The following MTHFD1L variants were observed in gnomAD, a reference collection of about 807,000 sequenced individuals.
The protein encoded by MTHFD1L is methylenetetrahydrofolate dehydrogenase (NADP+ dependent) 1 like.
MTHFD1L carries 81 observed loss-of-function variants against 119.5 expected under a neutral mutation model. The ratio of observed to expected loss-of-function variants is 0.68; its 90% CI spans 0.57 to 0.82. The LOEUF (loss-of-function observed/expected upper bound fraction) is 0.82. MTHFD1L is among the 40% of genes least tolerant of loss of function. MTHFD1L has a pLI of 0.00. For synonymous variants in MTHFD1L, 430 were observed against 475.2 expected, an observed-to-expected ratio of 0.90 and a Z score of 1.24; for missense variants, 1,125 against 1,253.4, an observed-to-expected ratio of 0.90 and a Z score of 1.55.
intron 26 of MTHFD1L, among the ~76,000 whole-genome samples, chr6:151,046,989 C>T (rs987359177): frequency 3.3e-5 from 5 of 152,162 alleles, no homozygotes; most frequent in South Asian, 2.1e-4. Flanking sequence ...AGAAATATAA[C>T]GGATAATATC....
intron 24 of MTHFD1L, among the ~76,000 whole-genome samples, chr6:151,030,221 A>G (rs1293595693): frequency 6.6e-6 from 1 of 152,230 alleles, no homozygotes; most frequent in Non-Finnish European, 1.5e-5. Flanking sequence ...ACCACACATA[A>G]GGAGGGGCTG....
At chr6:150,971,882 T>C in intron 19 of MTHFD1L, 65 bp from the exon 20 acceptor site, 1 of 1,421,672 alleles carries the variant, frequency 7.0e-7, no homozygotes, top group Non-Finnish European at 9.9e-7. Flanking sequence ...TTGCCCCAAA[T>C]TGATCTTGGT....
chr6:150,915,924 C>T (rs930528009), intron 8 of MTHFD1L, among the ~76,000 whole-genome samples: 3 of 152,154 alleles, frequency 2.0e-5, no homozygotes, highest in Admixed American at 6.6e-5. Context: ...ATTTCTCCAT[C>T]GCTTAAAGAT....
At position 150,920,939 on chromosome 6, in the gene MTHFD1L, A is replaced by ATTTTTTTTTT. The variant is rs869169480; in HGVS notation, c.985-1246_985-1237dup. ...AGGCACATGCCACCACACCCAGATA[A>ATTTTTTTTTT]TTTTTTTTTTTTTTTTTTTTTTTTT... is the stretch of plus-strand genomic sequence containing the variant. On this transcript the variant is annotated intron_variant, in intron 9 of 27. Coordinates refer to ENST00000367321, the MANE Select transcript of MTHFD1L (RefSeq NM_015440.5). Among the ~76,000 whole-genome samples the ATTTTTTTTTT allele has an allele frequency of 2.1e-5, 2 of 96,874 alleles. 1 individual carries two copies. 63.6% of individuals were successfully genotyped at this position (96,874 alleles called of 152,430 possible).
Position 151,073,557 on chromosome 6 carries a change from T to A in MTHFD1L, c.2848-18910T>A, listed in dbSNP as rs1792167216. Among the ~76,000 whole-genome samples, 4 of 152,154 alleles carry A rather than the reference T, an allele frequency of 2.6e-5. No homozygotes were observed. In the South Asian group the frequency reaches 8.3e-4, roughly 32 times the overall value. ...GAATTCATAGACACGGACATTAAAG[T>A]AGTTGTTGTGACTGTAGTTTGCATG... On this transcript the variant is annotated intron_variant, in intron 26 of 27. Coordinates refer to ENST00000367321, the MANE Select transcript of MTHFD1L (RefSeq NM_015440.5).
At chr6:150,915,153 CT>C (rs1280166108) in intron 8 of MTHFD1L, among the ~76,000 whole-genome samples, 1 of 152,192 alleles carries the variant, frequency 6.6e-6, no homozygotes, top group Non-Finnish European at 1.5e-5. Context: ...TAAACCAATC[CT>C]GTCCAAACCA....
intron 6 of MTHFD1L, 68 bp downstream of exon 6, chr6:150,885,802 T>C: frequency 7.8e-7 from 1 of 1,275,216 alleles, no homozygotes. Context: ...TTAATAAGGA[T>C]TTGTTTGGGG....
Position 151,101,830 on chromosome 6 carries a change from C to T in MTHFD1L, c.*336C>T, listed in dbSNP as rs1234896662. On this transcript the variant is annotated 3_prime_UTR_variant, in exon 28 of 28. Coordinates refer to ENST00000367321, the MANE Select transcript of MTHFD1L (RefSeq NM_015440.5). The stretch of plus-strand genomic sequence containing the variant: ...GTGAACTAAAAGGTAACATTTTCCA[C>T]TCTCAAGTTTTCTACTTTGTCTTTG... 3.9e-5 allele frequency: 6 copies of T among 152,246 alleles called. No homozygotes were observed. Among genetic ancestry groups the T allele is most frequent in the Non-Finnish European group, 5.9e-5 (4 of 68,032 alleles). 9.4% of individuals were successfully genotyped at this position (152,246 alleles called of 1,614,324 possible).
chr6:150,901,587 T>C (rs941901711), intron 7 of MTHFD1L, among the ~76,000 whole-genome samples: 2 of 152,166 alleles, frequency 1.3e-5, no homozygotes, highest in African/African-American at 2.4e-5. Context: ...TAAACTACAG[T>C]GTGTCCCAGT....
intron 15 of MTHFD1L, among the ~76,000 whole-genome samples, chr6:150,946,365 G>A (rs761079259): frequency 3.9e-5 from 6 of 152,222 alleles, no homozygotes; most frequent in Non-Finnish European, 5.9e-5. Context: ...GGCCAGGCTG[G>A]TCTCAAACGC....
Position 150,930,032 on chromosome 6 carries a change from T to C in MTHFD1L, c.1256+3737T>C, listed in dbSNP as rs137974953. ...CAACAAATGATATATTTTTTAGGGC[T>C]GTAAACTGTCATCAGTATCTAATCC... On this transcript the variant is annotated intron_variant, in intron 11 of 27. Coordinates refer to ENST00000367321, the MANE Select transcript of MTHFD1L (RefSeq NM_015440.5). Among the ~76,000 whole-genome samples, 260 of 152,346 alleles carry C rather than the reference T, an allele frequency of 1.7e-3. 1 individual carries two copies. Among genetic ancestry groups the C allele is most frequent in the African/African-American group, 6.0e-3 (250 of 41,578 alleles).
chr6:150,901,771 G>A (rs1562346396), intron 7 of MTHFD1L, among the ~76,000 whole-genome samples: 1 of 152,132 alleles, frequency 6.6e-6, no homozygotes, highest in Non-Finnish European at 1.5e-5. Context: ...ATCCTTGCTG[G>A]ACAAAGAACC....
chr6:151,053,202 T>C (rs1466950497), intron 26 of MTHFD1L, among the ~76,000 whole-genome samples: 2 of 152,234 alleles, frequency 1.3e-5, no homozygotes, highest in African/African-American at 4.8e-5. Flanking sequence ...TACTTGCTGC[T>C]ATATCCCAAC....
chr6:150,916,737 C>CTTTTT (rs57961829), intron 8 of MTHFD1L, among the ~76,000 whole-genome samples: 39 of 72,110 alleles, frequency 5.4e-4, no homozygotes, highest in African/African-American at 1.0e-3. Context: ...GATTCTATCC[C>CTTTTT]TTTTTTTTTT....
chr6:150,897,981 A>G (rs555137139), intron 7 of MTHFD1L, among the ~76,000 whole-genome samples: 87 of 152,212 alleles, frequency 5.7e-4, no homozygotes, highest in Non-Finnish European at 9.0e-4. Context: ...AGTAGCTGGG[A>G]TTACAAGCAT....
At chr6:151,009,486 A>T (rs1053482247) in intron 20 of MTHFD1L, among the ~76,000 whole-genome samples, 5 of 152,130 alleles carry the variant, frequency 3.3e-5, no homozygotes, top group Admixed American at 2.0e-4. Flanking sequence ...GTGAGCCGAG[A>T]TCATGCCGCT....
At chr6:150,896,353 T>TC (rs1272168602) in intron 7 of MTHFD1L, among the ~76,000 whole-genome samples, 1 of 152,204 alleles carries the variant, frequency 6.6e-6, no homozygotes, top group Non-Finnish European at 1.5e-5. Context: ...GGGCTCATCA[T>TC]CAGCTCTCCA....
chr6:150,869,564 C>T (rs1779047213), intron 1 of MTHFD1L, among the ~76,000 whole-genome samples: 1 of 152,142 alleles, frequency 6.6e-6, no homozygotes, highest in African/African-American at 2.4e-5. Flanking sequence ...ACTATGTTGG[C>T]CAGGCTGGTC....
intron 15 of MTHFD1L, among the ~76,000 whole-genome samples, chr6:150,946,735 A>G (rs1210029366): frequency 1.3e-5 from 2 of 152,122 alleles, no homozygotes; most frequent in East Asian, 1.9e-4. Context: ...CGGCAGCTAT[A>G]ACAACATGCA....
Sources: gnomAD v4.1 joint callset for allele counts (sites outside exome capture counted in the v4.1 genomes callset) on GRCh38, gnomAD v4.1.1 for gene constraint, MANE v1.5 for transcripts, NCBI Gene and HGNC (gene_info 2026-07-23, HGNC 2026-07-21) for gene names.